The following PMFBP1 variants were observed in gnomAD, a reference collection of about 807,000 sequenced individuals.
The protein encoded by PMFBP1 is polyamine modulated factor 1 binding protein 1, also known as polyamine-modulated factor 1-binding protein 1.
A neutral mutation model predicts 137.8 loss-of-function variants in PMFBP1; 131 were observed. The observed-to-expected ratio is 0.95, with a 90% CI of 0.82 to 1.10. The LOEUF is 1.10. PMFBP1 is among the 50% of genes least tolerant of loss of function. PMFBP1 has a pLI of 0.00. For missense variants in PMFBP1, 1,199 were observed against 1,175.4 expected, an observed-to-expected ratio of 1.02 and a Z score of -0.29; for synonymous variants, 490 against 450.4, an observed-to-expected ratio of 1.09 and a Z score of -1.11.
chr16:72,139,908 T>C (rs984462852), intron 6 of PMFBP1, among the ~76,000 whole-genome samples: 1 of 152,218 alleles, frequency 6.6e-6, no homozygotes, highest in Non-Finnish European at 1.5e-5. Flanking sequence ...TCTTCACTTA[T>C]TCTCCCTTCT....
chr16:72,184,986 T>C, the PMFBP1 span, among the ~76,000 whole-genome samples: 2 of 152,220 alleles, frequency 1.3e-5, no homozygotes, highest in Non-Finnish European at 2.9e-5. Flanking sequence ...AAGTGTTCCT[T>C]AAATGGTTTA....
chr16:72,233,939 T>C, the PMFBP1 span, among the ~76,000 whole-genome samples: 1 of 152,204 alleles, frequency 6.6e-6, no homozygotes, highest in Non-Finnish European at 1.5e-5. Context: ...GGCCAAATAA[T>C]ATTCCATTGT....
At chr16:72,187,676 C>A in the PMFBP1 span, among the ~76,000 whole-genome samples, 2 of 152,218 alleles carry the variant, frequency 1.3e-5, no homozygotes, top group East Asian at 3.9e-4. Flanking sequence ...AAAATACTTT[C>A]TGATGAACAG....
At chr16:72,199,653 CAAAAA>C in the PMFBP1 span, among the ~76,000 whole-genome samples, 2 of 82,430 alleles carry the variant, frequency 2.4e-5, no homozygotes. Flanking sequence ...GACTCCGTCT[CAAAAA>C]AAAAAAAAAA....
the PMFBP1 span, among the ~76,000 whole-genome samples, chr16:72,198,221 C>A: frequency 6.6e-6 from 1 of 152,176 alleles, no homozygotes; most frequent in Non-Finnish European, 1.5e-5. Context: ...GTCACGTGAG[C>A]AGAGAGTGCT....
the PMFBP1 span, among the ~76,000 whole-genome samples, chr16:72,233,277 C>T: frequency 3.3e-5 from 5 of 152,028 alleles, no homozygotes; most frequent in Admixed American, 6.6e-5. Flanking sequence ...CAAGTAAAAT[C>T]GAGTCTTTAA....
the PMFBP1 span, among the ~76,000 whole-genome samples, chr16:72,236,876 G>C: frequency 6.6e-6 from 1 of 152,184 alleles, no homozygotes; most frequent in African/African-American, 2.4e-5. Context: ...GCAAATAATT[G>C]AGAAGAGTAA....
At chr16:72,146,072 A>C (rs1034984485) in intron 5 of PMFBP1, among the ~76,000 whole-genome samples, 3 of 152,338 alleles carry the variant, frequency 2.0e-5, no homozygotes, top group Non-Finnish European at 4.4e-5. Context: ...ACACAACAAA[A>C]AAAGAGAATT....
At chr16:72,139,235 T>C in intron 7 of PMFBP1, 54 bp downstream of exon 7, 1 of 1,304,430 alleles carries the variant, frequency 7.7e-7, no homozygotes, top group East Asian at 2.3e-5. Context: ...AAGCCCAGAA[T>C]CAAACCCAGC....
the PMFBP1 span, among the ~76,000 whole-genome samples, chr16:72,221,589 G>T: frequency 6.6e-6 from 1 of 152,174 alleles, no homozygotes; most frequent in Non-Finnish European, 1.5e-5. Context: ...AAAGTGACAG[G>T]CAGATGAAGG....
At chr16:72,131,602 C>A (rs956283295) in intron 10 of PMFBP1, among the ~76,000 whole-genome samples, 5 of 151,830 alleles carry the variant, frequency 3.3e-5, no homozygotes, top group African/African-American at 1.2e-4. Flanking sequence ...CACTGAGGAA[C>A]GAGTAAGAAG....
intron 19 of PMFBP1, 173 bp from the exon 20 acceptor site, chr16:72,120,262 G>A: frequency 2.7e-6 from 3 of 1,108,046 alleles, no homozygotes; most frequent in Non-Finnish European, 3.9e-6. Flanking sequence ...TGTGTCCTGT[G>A]AAAGAAGCCC....
In PMFBP1 at chr16:72,124,910, C is replaced by G. The variant is rs2042430739; in HGVS notation, c.2446G>C (p.Glu816Gln). Residue 816 changes from glutamate (E) to glutamine (Q), a missense_variant, in exon 17 of 21, where the codon GAG becomes CAG. Transcript: ENST00000237353. ...TGCAGCACCTGGCAGCTCATCTCCT[C>G]TAGCTTCTTGTCAAAGGCGTGCACC... ...LEVHAFDKKL[E>Q]EMSCQVLQWQ... 1 of 1,614,156 alleles carries G rather than the reference C, an allele frequency of 6.2e-7. No individual in the cohort carries two copies. Among genetic ancestry groups the G allele is most frequent in the South Asian group, 1.1e-5 (1 of 91,080 alleles).
At chr16:72,147,600 GGA>G (rs2042829291) in intron 5 of PMFBP1, among the ~76,000 whole-genome samples, 1 of 152,046 alleles carries the variant, frequency 6.6e-6, no homozygotes, top group Non-Finnish European at 1.5e-5. Flanking sequence ...CTACGGATTG[GGA>G]GAAAATGTTT....
chr16:72,145,250 T>G (rs940339791), intron 5 of PMFBP1, among the ~76,000 whole-genome samples: 2 of 152,164 alleles, frequency 1.3e-5, no homozygotes, highest in Non-Finnish European at 2.9e-5. Flanking sequence ...CACAACTGCA[T>G]GGAAACTGAA....
chr16:72,152,800 G>C (rs1010855159), intron 4 of PMFBP1, among the ~76,000 whole-genome samples: 1 of 149,366 alleles, frequency 6.7e-6, no homozygotes, highest in African/African-American at 2.5e-5. Flanking sequence ...AGCCAAGATC[G>C]GGCCAATGCA....
chr16:72,129,467 T>C (rs1197722743), intron 12 of PMFBP1, among the ~76,000 whole-genome samples: 4 of 152,238 alleles, frequency 2.6e-5, no homozygotes, highest in Non-Finnish European at 4.4e-5. Context: ...ACCAGCTTTC[T>C]CTCCCACTTT....
At chr16:72,158,625 C>G (rs2043016584) in intron 3 of PMFBP1, among the ~76,000 whole-genome samples, 1 of 152,014 alleles carries the variant, frequency 6.6e-6, no homozygotes, top group Admixed American at 6.6e-5. Flanking sequence ...TTAACGTGGA[C>G]AGAATTAATG....
At chr16:72,118,987 T>G, downstream of PMFBP1, 1 of 218,030 alleles carries the variant, frequency 4.6e-6, no homozygotes, top group Non-Finnish European at 9.0e-6. Flanking sequence ...CTTCCCTGTA[T>G]ATGGAAGAGA....
Sources: allele counts gnomAD v4.1 joint callset (sites outside exome capture counted in the v4.1 genomes callset), GRCh38; gene constraint gnomAD v4.1.1; transcripts MANE v1.5; gene names NCBI Gene and HGNC (gene_info 2026-07-23, HGNC 2026-07-21).